RECQL5: variants seen among roughly 807,000 people sequenced by gnomAD.
RECQL5 encodes RecQ like helicase 5, also known as ATP-dependent DNA helicase Q5.
In RECQL5, 88 loss-of-function variants were observed where a neutral mutation model predicts 103.4. The ratio of observed to expected loss-of-function variants is 0.85; its 90% confidence interval spans 0.72 to 1.02. The LOEUF (loss-of-function observed/expected upper bound fraction) is 1.02, where lower values mean the gene tolerates loss of function less well. RECQL5 is among the 50% of genes least tolerant of loss of function. The pLI, the probability that RECQL5 is intolerant of heterozygous loss-of-function variation, is 0.00. For synonymous variants in RECQL5, 552 were observed against 507.9 expected, an observed-to-expected ratio of 1.09 and a Z score of -1.17; for missense variants, 1,232 against 1,284.3, an observed-to-expected ratio of 0.96 and a Z score of 0.62.
At chr17:75,634,326 G>A (rs1210399982) in intron 8 of RECQL5, 4 of 919,036 alleles carry the variant, frequency 4.4e-6, no homozygotes, top group South Asian at 5.0e-5. Context: ...ATGCTGGGTC[G>A]CTTCCCTGCA....
Position 75,662,732 on chromosome 17 carries a change from T to G in RECQL5, c.518A>C (p.Tyr173Ser). 6.2e-7 allele frequency: 1 copy of G among 1,613,978 alleles called. No homozygotes were observed. Among genetic ancestry groups the G allele is most frequent in the Non-Finnish European group, 8.5e-7 (1 of 1,180,006 alleles). The change falls in exon 4 of 20, where the codon TAC (tyrosine) becomes TCC (serine). Residue 173 changes from tyrosine (Y) to serine (S), a missense_variant. By Grantham distance (144) the Tyr-to-Ser change is moderately radical. Transcript: ENST00000317905. ...SQWGHDFRPD[Y>S]LRLGALRSRL... is the part of the protein sequence containing the mutation. ...GGAGCGCAGGGCACCCAGACGCAAG[T>G]AGTCAGGACGAAAGTCATGCCCCCA...
chr17:75,655,449 C>T lies in RECQL5; in HGVS notation c.1149+2849G>A, dbSNP rs968949037. ...TGCAATCTGGGCTCACTGCAAGCTC[C>T]GCCTTCCGGGTTCATGCCATTCTCC... On this transcript the variant is annotated intron_variant, in intron 7 of 19. Transcript: ENST00000317905. Among the ~76,000 whole-genome samples the T allele has an allele frequency of 7.8e-4, 118 of 151,034 alleles. 1 individual carries two copies. The highest frequency in any genetic ancestry group is 2.6e-3 in the African/African-American group (105 of 41,044).
chr17:75,650,645 G>A (rs1257105477), intron 8 of RECQL5: 2 of 1,613,768 alleles, frequency 1.2e-6, no homozygotes, highest in Non-Finnish European at 1.7e-6. Context: ...GGCACTCACA[G>A]CTCCGCATGC....
intron 8 of RECQL5, chr17:75,639,580 T>C (rs1260547775): frequency 1.3e-5 from 2 of 152,434 alleles, no homozygotes; most frequent in East Asian, 1.9e-4. Flanking sequence ...ACAGAAACCC[T>C]GGCAAAACCT....
At position 75,662,919 on chromosome 17, in the gene RECQL5, C is replaced by T; in HGVS notation, c.331G>A (p.Glu111Lys). 6.2e-7 allele frequency: 1 copy of T among 1,614,088 alleles called. No homozygotes were observed. Among genetic ancestry groups the T allele is most frequent in the Non-Finnish European group, 8.5e-7 (1 of 1,180,006 alleles). ...TCTCGCTCCAGGTCAGCAAGCAGCTCCTTCCTTTCCTGTGCAGAGAGCTTC... is the reference window on the plus strand; with the variant it reads ...TCTCGCTCCAGGTCAGCAAGCAGCTTCTTCCTTTCCTGTGCAGAGAGCTTC... ...NSKLSAQERK[E>K]LLADLEREKP... is the part of the protein sequence containing the mutation. The change falls in exon 4 of 20, where the codon GAG (glutamate) becomes AAG (lysine). Residue 111 changes from glutamate to lysine, a missense_variant. Glu to Lys is a moderately conservative substitution (Grantham distance 56). Coordinates refer to ENST00000317905, the MANE Select transcript of RECQL5 (RefSeq NM_004259.7).
intron 6 of RECQL5, 126 bp from the exon 7 acceptor site, chr17:75,658,586 T>C (rs922667000): frequency 6.0e-6 from 5 of 830,682 alleles, no homozygotes; most frequent in African/African-American, 3.4e-5. Flanking sequence ...GTCCCAGAGT[T>C]AGAATAGTTA....
chr17:75,627,234 C>G lies in RECQL5; in HGVS notation c.*188G>C. On this transcript the variant is annotated 3_prime_UTR_variant, in exon 20 of 20. Transcript: ENST00000317905. ...GAGAAGGGTCTATAGGCTTTGCAAG[C>G]AGAAAGAAAGGTGGGCTGACCTCTG... 3.0e-6 allele frequency: 2 copies of G among 671,424 alleles called. No homozygotes were observed. Among genetic ancestry groups the G allele is most frequent in the Non-Finnish European group, 5.4e-6 (2 of 368,058 alleles). The allele number at this position is 671,424 out of a possible 1,614,324, so 41.6% of individuals were successfully genotyped here. A position where few individuals can be genotyped will look rare whatever the true frequency, so the allele number is the denominator to read the frequency against.
At chr17:75,633,581 G>T (rs1268167998) in intron 8 of RECQL5, 2 of 1,245,982 alleles carry the variant, frequency 1.6e-6, no homozygotes, top group South Asian at 2.7e-5. Flanking sequence ...CCAGGGACTG[G>T]TTGCAAAGCC....
At chr17:75,650,589 T>C (rs1255791307) in intron 8 of RECQL5, 1 of 1,584,420 alleles carries the variant, frequency 6.3e-7, no homozygotes, top group Admixed American at 1.8e-5. Context: ...ATCCAAGAGC[T>C]TTTTAGACCA....
intron 8 of RECQL5, chr17:75,649,564 C>G (rs1039766295): frequency 1.1e-6 from 1 of 942,510 alleles, no homozygotes; most frequent in African/African-American, 1.8e-5. Flanking sequence ...CCCAAGGGAT[C>G]GCTGGTGGGA....
intron 8 of RECQL5, among the ~76,000 whole-genome samples, chr17:75,648,276 C>T (rs2059512194): frequency 6.6e-6 from 1 of 152,152 alleles, no homozygotes; most frequent in Non-Finnish European, 1.5e-5. Context: ...GAACCTGACT[C>T]CCTCAGGTAA....
chr17:75,651,164 A>T (rs1568277535), intron 8 of RECQL5, 22 bp downstream of exon 8: 1 of 1,614,194 alleles, frequency 6.2e-7, no homozygotes, highest in Admixed American at 1.7e-5. Flanking sequence ...ACTTTGCTCC[A>T]CATATAAAAT....
At chr17:75,634,430 C>A (rs1240376170) in intron 8 of RECQL5, among the ~76,000 whole-genome samples, 1 of 152,240 alleles carries the variant, frequency 6.6e-6, no homozygotes, top group East Asian at 1.9e-4. Context: ...CAGAGCGCCT[C>A]CTGCTCCGCC....
intron 7 of RECQL5, among the ~76,000 whole-genome samples, chr17:75,655,191 C>T (rs1294741505): frequency 3.3e-5 from 5 of 152,186 alleles, no homozygotes; most frequent in Non-Finnish European, 5.9e-5. Flanking sequence ...CCTACTTCAG[C>T]CTCCCGAGTA....
intron 8 of RECQL5, chr17:75,648,107 CT>C (rs2059510491): frequency 6.2e-6 from 1 of 161,366 alleles, no homozygotes; most frequent in Admixed American, 6.5e-5. Flanking sequence ...TGCCCTGCCC[CT>C]GGGTTCTCAG....
At chr17:75,646,973 A>C (rs746550184) in intron 8 of RECQL5, among the ~76,000 whole-genome samples, 3 of 152,132 alleles carry the variant, frequency 2.0e-5, no homozygotes, top group Admixed American at 2.0e-4. Context: ...TGCCTCCCAA[A>C]TGTTTGGCAG....
At chr17:75,647,359 C>G in intron 8 of RECQL5, 1 of 1,540,682 alleles carries the variant, frequency 6.5e-7, no homozygotes, top group Non-Finnish European at 8.8e-7. Flanking sequence ...GTCCTCTGTC[C>G]CTCTTTTCCA....
rs1241630126 is a variant in RECQL5, at chr17:75,640,116, G to A, written c.1230-8448C>T. 10 of 1,440,504 alleles carry A rather than the reference G, an allele frequency of 6.9e-6. No homozygotes were observed. In the East Asian group the frequency reaches 1.0e-4, roughly 15 times the overall value. 89.2% of individuals were successfully genotyped at this position (1,440,504 alleles called of 1,614,324 possible). ...GAGGGTGGAATCTCGGTGCTGCGAC[G>A]AGTGTGGGGCCAGCCGTGGAGGCTC... On this transcript the variant is annotated intron_variant, in intron 8 of 19. Coordinates refer to ENST00000317905, the MANE Select transcript of RECQL5 (RefSeq NM_004259.7). The surrounding 1 kb of genome is among the most constrained non-coding windows in gnomAD (Gnocchi z 4.6).
At chr17:75,665,854 A>G (rs567098387) in intron 2 of RECQL5, among the ~76,000 whole-genome samples, 153 of 152,266 alleles carry the variant, frequency 1.0e-3, no homozygotes, top group Non-Finnish European at 1.7e-3. Context: ...TTAATATTAC[A>G]TTGCTGCTCG....
Sources: allele counts gnomAD v4.1 joint callset (sites outside exome capture counted in the v4.1 genomes callset), GRCh38; gene constraint gnomAD v4.1.1; non-coding constraint Gnocchi (gnomAD v3.1); transcripts MANE v1.5; gene names NCBI Gene and HGNC (gene_info 2026-07-23, HGNC 2026-07-21).